SPAG16: variants seen among roughly 807,000 people sequenced by gnomAD.
SPAG16 encodes the protein sperm associated antigen 16, also known as sperm-associated antigen 16 protein.
A neutral mutation model predicts 80.4 loss-of-function variants in SPAG16; 86 were observed. That is an observed-to-expected ratio of 1.07 (90% confidence interval 0.90 to 1.28). The LOEUF (loss-of-function observed/expected upper bound fraction) is 1.28. SPAG16 is among the 50% of genes most tolerant of loss of function. The pLI is 0.00. For synonymous variants in SPAG16, 294 were observed against 265.9 expected (o/e 1.11, Z -1.03); for missense variants, 870 against 765.3 (o/e 1.14, Z -1.61).
chr2:213,862,078 T>C (rs2075490364), intron 10 of SPAG16, among the ~76,000 whole-genome samples: 1 of 152,354 alleles, frequency 6.6e-6, no homozygotes, highest in East Asian at 1.9e-4. Flanking sequence ...TTAAGACATA[T>C]TATAGTTTGA....
At chr2:213,698,180 C>T (rs570198497) in intron 10 of SPAG16, among the ~76,000 whole-genome samples, 1 of 152,100 alleles carries the variant, frequency 6.6e-6, no homozygotes, top group African/African-American at 2.4e-5. Flanking sequence ...GCTCTCTGAC[C>T]GTTCTTCTTT....
At chr2:213,618,909 G>A (rs2061684855) in intron 10 of SPAG16, among the ~76,000 whole-genome samples, 1 of 151,848 alleles carries the variant, frequency 6.6e-6, no homozygotes, top group Non-Finnish European at 1.5e-5. Flanking sequence ...ATACAAATCA[G>A]TAATTATTCT....
intron 10 of SPAG16, among the ~76,000 whole-genome samples, chr2:213,642,820 C>CAAAAAAAAAAAAAAAA (rs766759239): frequency 3.5e-3 from 4 of 1,136 alleles, no homozygotes; most frequent in African/African-American, 8.1e-3. Context: ...GACTCTGTCT[C>CAAAAAAAAAAAAAAAA]AAAAAAAAAA....
At chr2:213,541,808 T>TGTCTA (rs146325204) in intron 10 of SPAG16, among the ~76,000 whole-genome samples, 3,780 of 152,280 alleles carry the variant, frequency 0.025, 152 homozygotes, top group African/African-American at 0.085. Flanking sequence ...CGTCTTCCCT[T>TGTCTA]GTCTATAGAA....
chr2:213,350,467 A>G, intron 6 of SPAG16, 61 bp from the exon 7 acceptor site: 3 of 850,530 alleles, frequency 3.5e-6, no homozygotes, highest in Non-Finnish European at 5.3e-6. Flanking sequence ...TTGATGTTAG[A>G]TGGAAATTAC....
At chr2:213,900,534 G>T (rs1028620207) in intron 11 of SPAG16, among the ~76,000 whole-genome samples, 2 of 152,070 alleles carry the variant, frequency 1.3e-5, no homozygotes, top group African/African-American at 2.4e-5. Context: ...ATTAATACAC[G>T]ATTATTTTTC....
At chr2:213,842,332 G>GA (rs2074401073) in intron 10 of SPAG16, among the ~76,000 whole-genome samples, 1 of 152,020 alleles carries the variant, frequency 6.6e-6, no homozygotes, top group South Asian at 2.1e-4. Context: ...AGTTTCCTCA[G>GA]AAAAATTTGG....
intron 11 of SPAG16, among the ~76,000 whole-genome samples, chr2:213,898,512 G>A (rs2077084533): frequency 6.6e-6 from 1 of 152,096 alleles, no homozygotes; most frequent in South Asian, 2.1e-4. Flanking sequence ...ATCTGCTGGG[G>A]TCATGACTGT....
intron 15 of SPAG16, among the ~76,000 whole-genome samples, chr2:214,153,638 G>A (rs1559088702): frequency 6.6e-6 from 1 of 151,968 alleles, no homozygotes; most frequent in Non-Finnish European, 1.5e-5. Flanking sequence ...AGATGCTTGA[G>A]GCTGGGTGCC....
chr2:214,070,036 T>C (rs1350072340), intron 13 of SPAG16, among the ~76,000 whole-genome samples: 1 of 151,974 alleles, frequency 6.6e-6, no homozygotes, highest in African/African-American at 2.4e-5. Flanking sequence ...TCTTCTCTTT[T>C]TTAATTGCCT....
intron 14 of SPAG16, among the ~76,000 whole-genome samples, chr2:214,118,316 A>G (rs1308947305): frequency 6.6e-6 from 1 of 152,184 alleles, no homozygotes; most frequent in African/African-American, 2.4e-5. Context: ...CAAAATAATG[A>G]TGACAGGAAA....
intron 12 of SPAG16, among the ~76,000 whole-genome samples, chr2:213,969,592 C>T (rs1029147673): frequency 6.6e-6 from 1 of 152,096 alleles, no homozygotes; most frequent in Non-Finnish European, 1.5e-5. Context: ...TTCAAGACAC[C>T]ATCTTGGAAG....
intron 15 of SPAG16, among the ~76,000 whole-genome samples, chr2:214,263,777 G>C (rs1455174174): frequency 6.6e-6 from 1 of 152,114 alleles, no homozygotes; most frequent in African/African-American, 2.4e-5. Flanking sequence ...AAATAGAAAG[G>C]CATGTGAAAA....
intron 1 of SPAG16, among the ~76,000 whole-genome samples, chr2:213,291,199 C>T (rs187058724): frequency 1.8e-4 from 28 of 152,266 alleles, no homozygotes; most frequent in Admixed American, 1.8e-3. Context: ...ATTTCCTTTT[C>T]TCCTCCAATT....
chr2:213,752,585 T>A (rs2068125859), intron 10 of SPAG16, among the ~76,000 whole-genome samples: 2 of 152,244 alleles, frequency 1.3e-5, no homozygotes, highest in African/African-American at 4.8e-5. Context: ...TCATGGTCAT[T>A]TAATGCCTGA....
intron 1 of SPAG16, chr2:213,285,859 A>G: frequency 7.8e-7 from 1 of 1,286,404 alleles, no homozygotes; most frequent in East Asian, 5.6e-5. Context: ...TTCCTCTTTA[A>G]CAACGATTTT....
chr2:213,710,242 C>T (rs1312975078), intron 10 of SPAG16, among the ~76,000 whole-genome samples: 2 of 151,562 alleles, frequency 1.3e-5, no homozygotes, highest in Middle Eastern at 3.2e-3. Context: ...CGAGATCGCA[C>T]CACTGCGCTC....
chr2:214,021,504 G>A (rs906075290), intron 13 of SPAG16, among the ~76,000 whole-genome samples: 4 of 152,108 alleles, frequency 2.6e-5, no homozygotes, highest in Admixed American at 6.6e-5. Flanking sequence ...TGTCATGAGA[G>A]CAGCACAGAA....
rs1575095105 is a variant in SPAG16 at position 213,772,272 on chromosome 2, T to C, written c.1071-90213T>C. 2.0e-5 allele frequency among the ~76,000 whole-genome samples: 3 copies of C among 152,298 alleles called. No homozygotes were observed. In the South Asian group the frequency reaches 6.2e-4, roughly 32 times the overall value. ...TATTGTTGGTGTAGAGGAAAGCTTATGATTTTTGCACATTGATTTTGTACC... is the reference window on the plus strand; with the variant it reads ...TATTGTTGGTGTAGAGGAAAGCTTACGATTTTTGCACATTGATTTTGTACC... On this transcript the variant is annotated intron_variant, in intron 10 of 15. Coordinates refer to ENST00000331683, the MANE Select transcript of SPAG16 (RefSeq NM_024532.5).
Sources: allele counts gnomAD v4.1 joint callset (sites outside exome capture counted in the v4.1 genomes callset), GRCh38; gene constraint gnomAD v4.1.1; transcripts MANE v1.5; gene names NCBI Gene and HGNC (gene_info 2026-07-23, HGNC 2026-07-21).